The following PTPRG variants were observed in gnomAD, a reference collection of about 807,000 sequenced individuals.
The protein encoded by PTPRG is protein tyrosine phosphatase receptor type G.
A neutral mutation model predicts 165.3 loss-of-function variants in PTPRG; 102 were observed. That is an observed-to-expected ratio of 0.62 (90% CI 0.53 to 0.73). PTPRG has a LOEUF of 0.73. Ranked by LOEUF, PTPRG falls within the 30% of genes least tolerant of loss-of-function variation. The pLI, the probability that PTPRG is intolerant of heterozygous loss-of-function variation, is 0.00. For synonymous variants in PTPRG, 675 were observed against 669.5 expected (o/e 1.01, Z -0.13); for missense variants, 1,866 against 1,861.4 (o/e 1.00, Z -0.05).
chr3:62,190,910 A>G lies in PTPRG; in HGVS notation c.1034-559A>G, dbSNP rs1699794203. Among the ~76,000 whole-genome samples the G allele has an allele frequency of 6.6e-6, 1 of 152,208 alleles. No individual in the cohort carries two copies. Among genetic ancestry groups the G allele is most frequent in the Non-Finnish European group, 1.5e-5 (1 of 68,034 alleles). On this transcript the variant is annotated intron_variant, in intron 8 of 29. Transcript: ENST00000474889. This position sits in a 1 kb window ranked among gnomAD's most constrained non-coding sequence, Gnocchi z 5.2. ...ACTATATATGAGATAATAGTATTGA[A>G]TTCATGTTTAGTTTCTTTCATGTGA...
intron 2 of PTPRG, among the ~76,000 whole-genome samples, chr3:61,778,599 C>A (rs1020847625): frequency 6.6e-6 from 1 of 152,110 alleles, no homozygotes; most frequent in Non-Finnish European, 1.5e-5. Context: ...CCCCCAGACC[C>A]TATTCTCCTG....
At chr3:61,876,043 G>T (rs1237990873) in intron 2 of PTPRG, among the ~76,000 whole-genome samples, 1 of 152,192 alleles carries the variant, frequency 6.6e-6, no homozygotes, top group Non-Finnish European at 1.5e-5. Flanking sequence ...AAGCCTTCAA[G>T]ATTTGAGCAT....
intron 1 of PTPRG, among the ~76,000 whole-genome samples, chr3:61,608,181 CCTT>C (rs10602149): frequency 0.63 from 94,822 of 151,504 alleles, 32,309 homozygotes; most frequent in South Asian, 0.85. Flanking sequence ...TTTCTATCTT[CCTT>C]CTTCGTACAG....
intron 2 of PTPRG, among the ~76,000 whole-genome samples, chr3:61,777,905 A>G (rs1277308180): frequency 6.6e-6 from 1 of 152,194 alleles, no homozygotes; most frequent in Non-Finnish European, 1.5e-5. Flanking sequence ...ATTTGACTCT[A>G]AGCCCTGACA....
intron 1 of PTPRG, among the ~76,000 whole-genome samples, chr3:61,725,445 C>T (rs187402345): frequency 6.6e-6 from 1 of 152,202 alleles, no homozygotes; most frequent in African/African-American, 2.4e-5. Flanking sequence ...ATTGCTCCAG[C>T]ACCATTTGTT....
chr3:61,662,928 T>G (rs1702706262), intron 1 of PTPRG, among the ~76,000 whole-genome samples: 1 of 152,184 alleles, frequency 6.6e-6, no homozygotes. Context: ...CACATAGGCG[T>G]CTGATGCAGG....
chr3:61,855,686 G>T (rs1199989133), intron 2 of PTPRG, among the ~76,000 whole-genome samples: 2 of 130,642 alleles, frequency 1.5e-5, no homozygotes, highest in Non-Finnish European at 3.1e-5. Flanking sequence ...GCAAAGCACT[G>T]ATTTAATTAT....
At chr3:61,872,732 C>A (rs2037617519) in intron 2 of PTPRG, among the ~76,000 whole-genome samples, 1 of 152,192 alleles carries the variant, frequency 6.6e-6, no homozygotes, top group African/African-American at 2.4e-5. Context: ...TTGAAGCCAT[C>A]TGCCTTAGTG....
intron 1 of PTPRG, among the ~76,000 whole-genome samples, chr3:61,620,992 T>C (rs1701434346): frequency 6.7e-6 from 1 of 149,680 alleles, no homozygotes. Flanking sequence ...CATTGCCTTA[T>C]CAGCAAAAAA....
intron 4 of PTPRG, among the ~76,000 whole-genome samples, chr3:62,025,558 A>G (rs560122461): frequency 6.6e-6 from 1 of 152,110 alleles, no homozygotes; most frequent in South Asian, 2.1e-4. Flanking sequence ...TGTTTTGTTG[A>G]CAGCCGTAAA....
intron 7 of PTPRG, among the ~76,000 whole-genome samples, chr3:62,161,283 A>G (rs1704751596): frequency 6.6e-6 from 1 of 152,224 alleles, no homozygotes; most frequent in Non-Finnish European, 1.5e-5. Context: ...CCTTTAAAGC[A>G]GGACTGTCTG....
chr3:62,050,096 T>A (rs990415587), intron 4 of PTPRG, among the ~76,000 whole-genome samples: 2 of 152,116 alleles, frequency 1.3e-5, no homozygotes, highest in Admixed American at 6.5e-5. Context: ...AGAGGTGCAA[T>A]AGGTAAAACA....
intron 2 of PTPRG, among the ~76,000 whole-genome samples, chr3:61,988,756 A>G (rs972761779): frequency 1.3e-5 from 2 of 152,210 alleles, no homozygotes; most frequent in Admixed American, 1.3e-4. Flanking sequence ...TGTTGTGTCA[A>G]CAAGGTTAAA....
At chr3:62,079,968 A>G (rs1388265097) in intron 5 of PTPRG, among the ~76,000 whole-genome samples, 2 of 151,628 alleles carry the variant, frequency 1.3e-5, no homozygotes, top group Non-Finnish European at 2.9e-5. Flanking sequence ...TGGAGACCCC[A>G]TGGTATACAT....
chr3:61,664,598 G>A (rs535501856), intron 1 of PTPRG, among the ~76,000 whole-genome samples: 2 of 152,302 alleles, frequency 1.3e-5, no homozygotes, highest in Non-Finnish European at 2.9e-5. Flanking sequence ...GGAAGCCAAG[G>A]CTGGTAGGTC....
intron 2 of PTPRG, among the ~76,000 whole-genome samples, chr3:61,820,607 T>G (rs1294853383): frequency 1.4e-5 from 2 of 140,086 alleles, no homozygotes; most frequent in Non-Finnish European, 3.0e-5. Flanking sequence ...GTCTCTGTTT[T>G]TTTTTTTTTT....
intron 3 of PTPRG, among the ~76,000 whole-genome samples, chr3:61,998,892 G>T (rs933454532): frequency 5.3e-5 from 8 of 152,118 alleles, no homozygotes; most frequent in African/African-American, 1.9e-4. Flanking sequence ...ATAAACTGGT[G>T]GCCTAAACAA....
At chr3:62,028,019 C>A (rs1308839802) in intron 4 of PTPRG, among the ~76,000 whole-genome samples, 1 of 152,094 alleles carries the variant, frequency 6.6e-6, no homozygotes, top group Non-Finnish European at 1.5e-5. Flanking sequence ...ATCAGCCCAG[C>A]CTGCATTTAA....
chr3:62,243,013 C>T (rs1701199730), intron 14 of PTPRG, among the ~76,000 whole-genome samples: 1 of 151,978 alleles, frequency 6.6e-6, no homozygotes, highest in African/African-American at 2.4e-5. Context: ...TGAGCAGCTT[C>T]ATTAAATATT....
Sources: gnomAD v4.1 joint callset for allele counts (sites outside exome capture counted in the v4.1 genomes callset) on GRCh38, gnomAD v4.1.1 for gene constraint, Gnocchi (gnomAD v3.1) non-coding constraint, MANE v1.5 for transcripts, NCBI Gene and HGNC (gene_info 2026-07-23, HGNC 2026-07-21) for gene names.